NWD1: variants seen among roughly 807,000 people sequenced by gnomAD.
NWD1 encodes the protein NACHT domain- and WD repeat-containing protein 1.
A neutral mutation model predicts 135.1 loss-of-function variants in NWD1; 129 were observed. That is an observed-to-expected ratio of 0.96 (90% confidence interval 0.83 to 1.11). NWD1 has a LOEUF of 1.11. Among genes scored for constraint, NWD1 ranks in the 50% least tolerant of loss-of-function variants. The pLI, the probability that NWD1 is intolerant of heterozygous loss-of-function variation, is 0.00. For synonymous variants in NWD1, 773 were observed against 786.0 expected (o/e 0.98, Z 0.28); for missense variants, 1,740 against 1,851.3 (o/e 0.94, Z 1.10).
rs540226493 is a variant in NWD1 at position 16,767,816 on chromosome 19, T to A, written c.2410+2624T>A. Among the ~76,000 whole-genome samples, 4 of 152,046 alleles carry A rather than the reference T, an allele frequency of 2.6e-5. No individual in the cohort carries two copies. The East Asian group carries it at 7.8e-4, about 30-fold the overall frequency. On this transcript the variant is annotated intron_variant, in intron 10 of 18. Coordinates refer to ENST00000524140, the MANE Select transcript of NWD1 (RefSeq NM_001007525.5). Reference sequence around the variant, plus strand: ...TCTCCCCATTCTCCCTTCACCCCAGTCCCTGGCAACCACCATGCTATTTTC... The same window carrying A: ...TCTCCCCATTCTCCCTTCACCCCAGACCCTGGCAACCACCATGCTATTTTC...
chr19:16,749,426 C>G lies in NWD1; in HGVS notation c.784C>G (p.Leu262Val), dbSNP rs1478478121. Residue 262 changes from leucine (L) to valine (V), a missense_variant, in exon 6 of 19, where the codon CTG becomes GTG. By Grantham distance (32) the Leu-to-Val change is conservative. Transcript: ENST00000524140. ...CAAGAACAAGACTCACGCCTGCTAC[C>G]TGAAGGAGCTGGGTGAGCAGTTTGT... ...NPKNKTHACY[L>V]KELGEQFVVR... The G allele has an allele frequency of 1.9e-6, 3 of 1,613,912 alleles. No homozygotes were observed. Among genetic ancestry groups the G allele is most frequent in the Non-Finnish European group, 1.7e-6 (2 of 1,179,848 alleles).
At chr19:16,782,275 C>T (rs1260995645) in intron 12 of NWD1, among the ~76,000 whole-genome samples, 1 of 136,288 alleles carries the variant, frequency 7.3e-6, no homozygotes, top group Non-Finnish European at 1.5e-5. Flanking sequence ...CATAGCAAGA[C>T]GTCACCTCTA....
intron 14 of NWD1, among the ~76,000 whole-genome samples, 185 bp downstream of exon 14, chr19:16,791,807 G>A (rs770036168): frequency 7.9e-5 from 12 of 152,140 alleles, no homozygotes; most frequent in South Asian, 2.1e-4. Context: ...TCCGCCTCTC[G>A]GGTTCAAGCG....
Position 16,749,429 on chromosome 19 carries a change from A to C in NWD1, c.787A>C (p.Lys263Gln), listed in dbSNP as rs1389637372. ...GAACAAGACTCACGCCTGCTACCTG[A>C]AGGAGCTGGGTGAGCAGTTTGTGGT... ...PKNKTHACYL[K>Q]ELGEQFVVRA... Residue 263 changes from lysine to glutamine, a missense_variant, in exon 6 of 19, where the codon AAG becomes CAG. By Grantham distance (53) the Lys-to-Gln change is moderately conservative. Transcript: ENST00000524140. 6.2e-7 allele frequency: 1 copy of C among 1,613,876 alleles called. No homozygotes were observed. The highest frequency in any genetic ancestry group is 8.5e-7 in the Non-Finnish European group (1 of 1,179,828).
intron 16 of NWD1, among the ~76,000 whole-genome samples, chr19:16,798,749 C>T (rs185509349): frequency 6.6e-5 from 10 of 152,194 alleles, no homozygotes; most frequent in Non-Finnish European, 1.2e-4. Context: ...GCCTCAGCCT[C>T]GCAAGTAGCT....
At chr19:16,788,199 C>T (rs1463771739) in intron 12 of NWD1, among the ~76,000 whole-genome samples, 14 of 146,636 alleles carry the variant, frequency 9.5e-5, no homozygotes, top group Non-Finnish European at 1.5e-5. Context: ...CACTGCACTC[C>T]AGCCTGGGCA....
chr19:16,783,382 C>T (rs1418758568), intron 12 of NWD1, among the ~76,000 whole-genome samples: 1 of 151,828 alleles, frequency 6.6e-6, no homozygotes, highest in Non-Finnish European at 1.5e-5. Flanking sequence ...TGCCTGTAAT[C>T]CCAGCACTTT....
chr19:16,773,663 C>T (rs1033432615), intron 11 of NWD1, among the ~76,000 whole-genome samples: 2 of 152,162 alleles, frequency 1.3e-5, no homozygotes, highest in Admixed American at 1.3e-4. Context: ...GCCTGACAGT[C>T]CTCTGAGAAG....
At chr19:16,785,622 A>T (rs1970011498) in intron 12 of NWD1, among the ~76,000 whole-genome samples, 1 of 150,668 alleles carries the variant, frequency 6.6e-6, no homozygotes, top group Non-Finnish European at 1.5e-5. Context: ...TTCTGAACTT[A>T]TATATATATA....
At chr19:16,779,219 G>C (rs757924985) in intron 11 of NWD1, 124 bp from the exon 12 acceptor site, 8 of 1,099,076 alleles carry the variant, frequency 7.3e-6, no homozygotes, top group Non-Finnish European at 9.5e-6. Context: ...TTTGGGCAAG[G>C]GACCAAATCT....
intron 18 of NWD1, among the ~76,000 whole-genome samples, chr19:16,808,510 A>G (rs1006681630): frequency 1.3e-5 from 2 of 151,982 alleles, no homozygotes; most frequent in Admixed American, 6.6e-5. Context: ...AGATCACGCC[A>G]CTGCACTCCA....
At chr19:16,729,034 G>A (rs1967449003) in intron 2 of NWD1, among the ~76,000 whole-genome samples, 1 of 152,012 alleles carries the variant, frequency 6.6e-6, no homozygotes, top group African/African-American at 2.4e-5. Flanking sequence ...GGGAGGCCGA[G>A]GTGGGAGAAT....
At chr19:16,797,981 C>A in intron 16 of NWD1, 95 bp downstream of exon 16, 1 of 1,235,202 alleles carries the variant, frequency 8.1e-7, no homozygotes, top group Admixed American at 2.1e-5. Flanking sequence ...CAGACACCCA[C>A]AAAAATGAGT....
At chr19:16,762,471 A>G (rs1969059753) in intron 8 of NWD1, among the ~76,000 whole-genome samples, 1 of 151,370 alleles carries the variant, frequency 6.6e-6, no homozygotes, top group Non-Finnish European at 1.5e-5. Flanking sequence ...TAATTTTTGT[A>G]TTTTTAGTAG....
At chr19:16,769,073 T>C (rs1969325557) in intron 10 of NWD1, among the ~76,000 whole-genome samples, 1 of 152,202 alleles carries the variant, frequency 6.6e-6, no homozygotes. Flanking sequence ...GGCTCAAGCC[T>C]GTTATCTCGG....
At chr19:16,812,015 A>G (rs1970940663) in intron 18 of NWD1, among the ~76,000 whole-genome samples, 1 of 152,160 alleles carries the variant, frequency 6.6e-6, no homozygotes, top group African/African-American at 2.4e-5. Flanking sequence ...GATTCCATCA[A>G]AAACAAAAAC....
At chr19:16,728,466 G>A (rs1967416311) in intron 2 of NWD1, among the ~76,000 whole-genome samples, 1 of 151,674 alleles carries the variant, frequency 6.6e-6, no homozygotes, top group Non-Finnish European at 1.5e-5. Context: ...TGTATTTTTA[G>A]TAGAGATGGG....
intron 17 of NWD1, among the ~76,000 whole-genome samples, chr19:16,800,679 T>G (rs1404203277): frequency 6.6e-6 from 1 of 152,164 alleles, no homozygotes; most frequent in African/African-American, 2.4e-5. Context: ...GGTTCACAGA[T>G]GGCCATCTTC....
rs1241896363 is a variant in NWD1 at position 16,797,883 on chromosome 19, T to C, written c.3456T>C (p.Ile1152=). 4.0e-5 allele frequency: 64 copies of C among 1,613,464 alleles called. No homozygotes were observed. Among genetic ancestry groups the C allele is most frequent in the Non-Finnish European group, 5.3e-5 (63 of 1,179,580 alleles). The change falls in exon 16 of 19, where the codon ATT becomes ATC. Residue 1152 remains isoleucine (I), a synonymous_variant. Coordinates refer to ENST00000524140, the MANE Select transcript of NWD1 (RefSeq NM_001007525.5). The part of the protein sequence containing the change: ...LIITGSLDAL[I]QVWSLSEQGT... Reference sequence around the variant, plus strand: ...TCACGGGGTCCCTTGATGCGCTCATTCAGGTGAGGGGAGATCTGGGACCCT... The same window carrying C: ...TCACGGGGTCCCTTGATGCGCTCATCCAGGTGAGGGGAGATCTGGGACCCT...
Sources: allele counts gnomAD v4.1 joint callset (sites outside exome capture counted in the v4.1 genomes callset), GRCh38; gene constraint gnomAD v4.1.1; transcripts MANE v1.5; gene names NCBI Gene and HGNC (gene_info 2026-07-23, HGNC 2026-07-21).